The following DPYD variants were observed in gnomAD, a reference collection of about 807,000 sequenced individuals.
The protein encoded by DPYD is dihydropyrimidine dehydrogenase [NADP(+)].
Under a neutral mutation model 116.2 loss-of-function variants are expected in DPYD, and 109 were observed. The observed-to-expected ratio is 0.94, with a 90% CI of 0.80 to 1.10. The LOEUF is 1.10. DPYD is among the 50% of genes least tolerant of loss of function. The pLI is 0.00. For missense variants in DPYD, 1,302 were observed against 1,254.5 expected (o/e 1.04, Z -0.57); for synonymous variants, 440 against 432.0 (o/e 1.02, Z -0.23).
chr1:97,822,247 T>C (rs28503944), intron 3 of DPYD, among the ~76,000 whole-genome samples: 110,886 of 148,528 alleles, frequency 0.75, 41,828 homozygotes, highest in East Asian at 0.98. Flanking sequence ...TATATATATA[T>C]ACACACACAC....
intron 2 of DPYD, chr1:97,856,541 T>C (rs1436104234): frequency 6.6e-6 from 1 of 152,194 alleles, no homozygotes; most frequent in Non-Finnish European, 1.5e-5. Context: ...TGCCTGCACA[T>C]AAGACAAATT....
chr1:97,763,366 GT>G (rs34267648), intron 3 of DPYD, among the ~76,000 whole-genome samples: 3 of 151,076 alleles, frequency 2.0e-5, no homozygotes, highest in Admixed American at 1.3e-4. Context: ...TGCAACCAAT[GT>G]TTTTTTTTAA....
At chr1:97,145,725 C>T (rs1654568259) in intron 20 of DPYD, among the ~76,000 whole-genome samples, 1 of 146,330 alleles carries the variant, frequency 6.8e-6, no homozygotes, top group African/African-American at 2.5e-5. Context: ...CCACAGAGTA[C>T]AGAAAAGAAT....
At chr1:97,577,156 C>T (rs10875099) in intron 10 of DPYD, among the ~76,000 whole-genome samples, 116,909 of 152,108 alleles carry the variant, frequency 0.77, 46,425 homozygotes, top group East Asian at 0.96. Context: ...TAAATATAAG[C>T]TGGACTTTGT....
intron 3 of DPYD, among the ~76,000 whole-genome samples, chr1:97,805,488 T>C (rs1249146885): frequency 6.6e-6 from 1 of 151,882 alleles, no homozygotes; most frequent in Non-Finnish European, 1.5e-5. Flanking sequence ...CATAATGATA[T>C]GTAGTTGCTT....
At chr1:97,262,673 G>A (rs908746064) in intron 18 of DPYD, among the ~76,000 whole-genome samples, 6 of 151,942 alleles carry the variant, frequency 3.9e-5, no homozygotes, top group African/African-American at 1.2e-4. Context: ...TTTACCAGAA[G>A]CTATATAAAG....
intron 16 of DPYD, among the ~76,000 whole-genome samples, chr1:97,338,152 T>G (rs956938253): frequency 6.6e-6 from 1 of 152,204 alleles, no homozygotes; most frequent in Non-Finnish European, 1.5e-5. Context: ...ACCCCACAGC[T>G]ATTTTTACTG....
chr1:97,875,548 T>C (rs142395094), intron 2 of DPYD, among the ~76,000 whole-genome samples: 21 of 152,120 alleles, frequency 1.4e-4, no homozygotes, highest in Non-Finnish European at 2.8e-4. Context: ...CTGTTGTATG[T>C]CAGAATTCAT....
At chr1:97,790,822 G>A (rs540408240) in intron 3 of DPYD, among the ~76,000 whole-genome samples, 64 of 152,120 alleles carry the variant, frequency 4.2e-4, no homozygotes, top group Admixed American at 1.2e-3. Flanking sequence ...ATCAACAGAT[G>A]ATTTTAATCA....
intron 14 of DPYD, among the ~76,000 whole-genome samples, chr1:97,396,704 G>T (rs1673024613): frequency 6.6e-6 from 1 of 151,956 alleles, no homozygotes; most frequent in Non-Finnish European, 1.5e-5. Flanking sequence ...ATATCAAACT[G>T]AACCTCTTAT....
chr1:97,883,693 T>A (rs1360040960), intron 1 of DPYD, among the ~76,000 whole-genome samples: 2 of 152,046 alleles, frequency 1.3e-5, no homozygotes, highest in Admixed American at 6.6e-5. Context: ...GCGATCCACC[T>A]GGCTCAACCT....
At chr1:97,854,021 C>T (rs1040915339) in intron 2 of DPYD, among the ~76,000 whole-genome samples, 5 of 152,170 alleles carry the variant, frequency 3.3e-5, no homozygotes, top group Admixed American at 6.5e-5. Flanking sequence ...GTTGCTCACA[C>T]ATTTGACTGC....
intron 18 of DPYD, among the ~76,000 whole-genome samples, chr1:97,253,925 T>C (rs1385453598): frequency 6.6e-6 from 1 of 152,128 alleles, no homozygotes; most frequent in African/African-American, 2.4e-5. Context: ...AAATATAACA[T>C]TCATAGCTAT....
At chr1:97,284,921 T>C (rs1308520464) in intron 18 of DPYD, among the ~76,000 whole-genome samples, 1 of 152,198 alleles carries the variant, frequency 6.6e-6, no homozygotes, top group Non-Finnish European at 1.5e-5. Flanking sequence ...TTCCTATCCA[T>C]TCTGTATCTT....
chr1:97,135,857 T>C (rs1172418364), intron 20 of DPYD, among the ~76,000 whole-genome samples: 1 of 152,166 alleles, frequency 6.6e-6, no homozygotes, highest in African/African-American at 2.4e-5. Flanking sequence ...GGACTAATAG[T>C]GGAAATACTA....
Position 97,450,195 on chromosome 1 carries a change from A to G in DPYD, c.1769T>C (p.Ile590Thr). Residue 590 changes from isoleucine to threonine, a missense_variant, in exon 14 of 23, where the codon ATC becomes ACC. Transcript: ENST00000370192. ...KDIVTNVSPR[I>T]IRGTTSGPMY... The stretch of plus-strand genomic sequence containing the variant: ...GGGGCCAGAGGTGGTTCCCCGGATG[A>G]TTCTGGGGGAAACATTTGTCACAAT... 1 of 1,613,774 alleles carries G rather than the reference A, an allele frequency of 6.2e-7. No homozygotes were observed. The highest frequency in any genetic ancestry group is 8.5e-7 in the Non-Finnish European group (1 of 1,179,776).
chr1:97,733,368 T>C (rs893309730), intron 4 of DPYD, among the ~76,000 whole-genome samples: 53 of 152,114 alleles, frequency 3.5e-4, no homozygotes, highest in African/African-American at 1.3e-3. Flanking sequence ...GAAACCTAAC[T>C]TCACCCTACA....
intron 14 of DPYD, among the ~76,000 whole-genome samples, chr1:97,412,351 T>G (rs935869329): frequency 2.6e-5 from 4 of 152,290 alleles, no homozygotes; most frequent in Non-Finnish European, 4.4e-5. Context: ...AATGCCCAAA[T>G]GTTGATATCA....
At chr1:97,652,140 TA>T (rs1557862081) in intron 8 of DPYD, among the ~76,000 whole-genome samples, 1 of 151,896 alleles carries the variant, frequency 6.6e-6, no homozygotes, top group African/African-American at 2.4e-5. Flanking sequence ...TCATATAACC[TA>T]AAAAAAGGAC....
Sources: allele counts gnomAD v4.1 joint callset (sites outside exome capture counted in the v4.1 genomes callset), GRCh38; gene constraint gnomAD v4.1.1; transcripts MANE v1.5; gene names NCBI Gene and HGNC (gene_info 2026-07-23, HGNC 2026-07-21).